SPACA7: variants seen among roughly 807,000 people sequenced by gnomAD.
SPACA7 encodes sperm acrosome-associated protein 7.
SPACA7 carries 19 observed loss-of-function variants against 26.3 expected under a neutral mutation model. The ratio of observed to expected loss-of-function variants is 0.72; its 90% CI spans 0.50 to 1.06. SPACA7 has a LOEUF of 1.06. Among genes scored for constraint, SPACA7 ranks in the 50% least tolerant of loss-of-function variants. The pLI is 0.00. For missense variants in SPACA7, 211 were observed against 229.9 expected, an observed-to-expected ratio of 0.92 and a Z score of 0.53; for synonymous variants, 84 against 84.5, an observed-to-expected ratio of 0.99 and a Z score of 0.04.
chr13:112,428,252 T>G (rs1288348879), intron 5 of SPACA7, among the ~76,000 whole-genome samples: 1 of 152,244 alleles, frequency 6.6e-6, no homozygotes, highest in Non-Finnish European at 1.5e-5. Context: ...ATTCACCTTT[T>G]AAATTTCTTC....
At chr13:112,378,975 T>C (rs188843409) in intron 1 of SPACA7, among the ~76,000 whole-genome samples, 150 of 152,340 alleles carry the variant, frequency 9.8e-4, no homozygotes, top group African/African-American at 3.5e-3. Flanking sequence ...AAAATATAAA[T>C]GCTTCATTTT....
At chr13:112,410,222 G>A (rs1021696085) in intron 5 of SPACA7, among the ~76,000 whole-genome samples, 1 of 152,024 alleles carries the variant, frequency 6.6e-6, no homozygotes, top group Non-Finnish European at 1.5e-5. Context: ...GTGATGGGGT[G>A]CGGGGATGGG....
chr13:112,378,920 C>G lies in SPACA7; in HGVS notation c.94+2441C>G, dbSNP rs529173646. 1.2e-4 allele frequency among the ~76,000 whole-genome samples: 18 copies of G among 152,264 alleles called. No individual in the cohort carries two copies. The East Asian group carries it at 2.1e-3, about 18-fold the overall frequency. On this transcript the variant is annotated intron_variant, in intron 1 of 6. Transcript: ENST00000283550. ...AACTTACGCAAACAATTGTATGGTC[C>G]TGAAAATCATAATATCCAAATTCTA...
chr13:112,420,547 A>T (rs1421367212), intron 5 of SPACA7, among the ~76,000 whole-genome samples: 2 of 151,354 alleles, frequency 1.3e-5, no homozygotes, highest in African/African-American at 4.9e-5. Context: ...AAAAAGAATG[A>T]AAAAACACCA....
intron 1 of SPACA7, among the ~76,000 whole-genome samples, chr13:112,383,129 GA>G (rs751182755): frequency 0.017 from 137 of 8,246 alleles, no homozygotes; most frequent in African/African-American, 0.065. Flanking sequence ...AGAAAAGAAA[GA>G]AAGAAAGAAA....
At chr13:112,429,183 C>T (rs1412386153) in intron 5 of SPACA7, among the ~76,000 whole-genome samples, 1 of 152,092 alleles carries the variant, frequency 6.6e-6, no homozygotes, top group Non-Finnish European at 1.5e-5. Flanking sequence ...TCAAGACCAG[C>T]CTGGGCAACA....
chr13:112,386,665 T>C (rs1015592456), intron 1 of SPACA7, among the ~76,000 whole-genome samples: 82 of 152,236 alleles, frequency 5.4e-4, no homozygotes, highest in African/African-American at 1.9e-3. Context: ...AAATAAACTT[T>C]TTCCAGAAAA....
intron 1 of SPACA7, among the ~76,000 whole-genome samples, chr13:112,390,176 G>T (rs953482877): frequency 6.6e-6 from 1 of 152,134 alleles, no homozygotes; most frequent in African/African-American, 2.4e-5. Context: ...CACATCCAGT[G>T]GTGCAAGAGG....
chr13:112,399,352 G>A (rs1384256691), intron 4 of SPACA7, among the ~76,000 whole-genome samples, 179 bp downstream of exon 4: 1 of 152,248 alleles, frequency 6.6e-6, no homozygotes, highest in African/African-American at 2.4e-5. Flanking sequence ...GGGACCCCCA[G>A]CTTCCTCACC....
At chr13:112,404,759 C>T (rs1243874595) in intron 5 of SPACA7, among the ~76,000 whole-genome samples, 1 of 152,096 alleles carries the variant, frequency 6.6e-6, no homozygotes, top group African/African-American at 2.4e-5. Context: ...GTTCTCTATT[C>T]TGTTCTTTTG....
intron 1 of SPACA7, among the ~76,000 whole-genome samples, chr13:112,377,845 G>A (rs1214450815): frequency 2.0e-5 from 3 of 152,162 alleles, no homozygotes; most frequent in African/African-American, 4.8e-5. Context: ...ACAAGTAGTC[G>A]GGAATTTAAT....
chr13:112,419,946 C>G (rs190313233), intron 5 of SPACA7, among the ~76,000 whole-genome samples: 20 of 152,342 alleles, frequency 1.3e-4, no homozygotes, highest in African/African-American at 3.6e-4. Flanking sequence ...ACGAAAGTCT[C>G]TGGCCCCCTA....
At chr13:112,432,134 G>C (rs1296813999) in intron 5 of SPACA7, among the ~76,000 whole-genome samples, 1 of 152,252 alleles carries the variant, frequency 6.6e-6, no homozygotes, top group Non-Finnish European at 1.5e-5. Flanking sequence ...AGGACACAGA[G>C]TGGACAGAAT....
rs562231858 is a variant in SPACA7 at position 112,392,483 on chromosome 13, C to A, written c.95-538C>A. 2.6e-4 allele frequency among the ~76,000 whole-genome samples: 39 copies of A among 152,320 alleles called. 1 individual carries two copies. The highest frequency in any genetic ancestry group is 6.8e-3 in the Middle Eastern group (2 of 294). Reference sequence around the variant, plus strand: ...GTGGCCCATCTCTCTGAGTCCTGCCCCTCCTAAAACAGAGCCATGAAGCCA... The same window carrying A: ...GTGGCCCATCTCTCTGAGTCCTGCCACTCCTAAAACAGAGCCATGAAGCCA... On this transcript the variant is annotated intron_variant, in intron 1 of 6. Coordinates refer to ENST00000283550, the MANE Select transcript of SPACA7 (RefSeq NM_145248.5).
At chr13:112,429,323 C>T (rs1487454137) in intron 5 of SPACA7, among the ~76,000 whole-genome samples, 4 of 151,624 alleles carry the variant, frequency 2.6e-5, no homozygotes, top group Admixed American at 2.6e-4. Context: ...CTGCAGTGAG[C>T]CAAGATGGTG....
chr13:112,425,967 G>T (rs1459076062), intron 5 of SPACA7, among the ~76,000 whole-genome samples: 2 of 152,182 alleles, frequency 1.3e-5, no homozygotes, highest in Non-Finnish European at 1.5e-5. Flanking sequence ...CCCCATGCAG[G>T]CACATGTCAC....
intron 2 of SPACA7, among the ~76,000 whole-genome samples, chr13:112,396,948 T>G (rs1487203181): frequency 6.6e-6 from 1 of 152,118 alleles, no homozygotes; most frequent in Non-Finnish European, 1.5e-5. Context: ...TCCCCTTTTA[T>G]CAGGAGGAGC....
chr13:112,393,984 C>CA (rs35094954), intron 2 of SPACA7, among the ~76,000 whole-genome samples: 69,117 of 133,028 alleles, frequency 0.52, 17,207 homozygotes, highest in South Asian at 0.67. Flanking sequence ...GACTCTGTCT[C>CA]AAAAAAAAAA....
chr13:112,392,582 G>A (rs1884961832), intron 1 of SPACA7, among the ~76,000 whole-genome samples: 2 of 152,196 alleles, frequency 1.3e-5, no homozygotes, highest in South Asian at 4.1e-4. Context: ...GCCTCCAGGT[G>A]CATGCACTGT....
Sources: allele counts gnomAD v4.1 joint callset (sites outside exome capture counted in the v4.1 genomes callset), GRCh38; gene constraint gnomAD v4.1.1; transcripts MANE v1.5; gene names NCBI Gene and HGNC (gene_info 2026-07-23, HGNC 2026-07-21).